Variants in SLC26A4 observed in about 807,000 individuals in gnomAD.
SLC26A4 encodes the protein solute carrier family 26 member 4.
In SLC26A4, 93 loss-of-function variants were observed where a neutral mutation model predicts 90.4. The observed-to-expected ratio is 1.03, with a 90% CI of 0.87 to 1.22. The LOEUF (loss-of-function observed/expected upper bound fraction) is 1.22. Among genes scored for constraint, SLC26A4 ranks in the 50% most tolerant of loss-of-function variants. The probability of loss-of-function intolerance (pLI) is 0.00; values close to 1 mark genes in which losing one functional copy is unlikely to be tolerated. For synonymous variants in SLC26A4, 393 were observed against 354.6 expected (o/e 1.11, Z -1.22); for missense variants, 1,127 against 946.2 (o/e 1.19, Z -2.51).
At chr7:107,675,208 G>T (rs1790989219) in intron 6 of SLC26A4, 99 bp downstream of exon 6, 3 of 1,124,948 alleles carry the variant, frequency 2.7e-6, no homozygotes, top group South Asian at 1.2e-5. Context: ...GCTCACACCT[G>T]TAATCCCAGC....
chr7:107,708,644 A>G (rs1422090944), intron 18 of SLC26A4, among the ~76,000 whole-genome samples: 1 of 152,170 alleles, frequency 6.6e-6, no homozygotes, highest in African/African-American at 2.4e-5. Flanking sequence ...ACTTCAGGCC[A>G]GGAGTTTGAG....
intron 4 of SLC26A4, among the ~76,000 whole-genome samples, chr7:107,673,919 T>C (rs1488623722): frequency 6.6e-6 from 1 of 152,012 alleles, no homozygotes; most frequent in Non-Finnish European, 1.5e-5. Context: ...TTGGTAGAGA[T>C]GGGGTTTTAC....
chr7:107,679,457 A>G (rs1303156991), intron 6 of SLC26A4, among the ~76,000 whole-genome samples: 1 of 152,218 alleles, frequency 6.6e-6, no homozygotes, highest in Non-Finnish European at 1.5e-5. Flanking sequence ...ATAAACAAAA[A>G]TAAATTCAGT....
At chr7:107,687,577 C>G (rs1362891183) in intron 8 of SLC26A4, among the ~76,000 whole-genome samples, 1 of 152,106 alleles carries the variant, frequency 6.6e-6, no homozygotes, top group African/African-American at 2.4e-5. Flanking sequence ...AAATAACATG[C>G]CTAAAGTCAT....
chr7:107,666,622 A>G lies in SLC26A4; in HGVS notation c.304+3187A>G, dbSNP rs190732931. 3.2e-4 allele frequency among the ~76,000 whole-genome samples: 49 copies of G among 152,292 alleles called. 1 individual carries two copies. The highest frequency in any genetic ancestry group is 3.4e-3 in the Middle Eastern group (1 of 294). ...AGAATGAGAAGGAGACAGCCATGTG[A>G]TAAGCAGAAAAAAAGAGTGTACCAG... On this transcript the variant is annotated intron_variant, in intron 3 of 20. Coordinates refer to ENST00000644269, the MANE Select transcript of SLC26A4 (RefSeq NM_000441.2).
chr7:107,670,945 A>G (rs1790849224), intron 3 of SLC26A4, among the ~76,000 whole-genome samples: 1 of 152,158 alleles, frequency 6.6e-6, no homozygotes, highest in African/African-American at 2.4e-5. Flanking sequence ...TGCCTAGTGG[A>G]GGAGTTGGTC....
At chr7:107,712,696 T>C in intron 20 of SLC26A4, 74 bp downstream of exon 20, 1 of 834,764 alleles carries the variant, frequency 1.2e-6, no homozygotes, top group South Asian at 1.4e-5. Context: ...ATAGTGAATA[T>C]ATCTGATTAA....
chr7:107,690,822 G>A (rs1791546227), intron 10 of SLC26A4, among the ~76,000 whole-genome samples: 1 of 152,032 alleles, frequency 6.6e-6, no homozygotes. Context: ...TGCAGTTGTT[G>A]CCTTTACAAG....
chr7:107,704,776 T>G (rs1258963944), intron 18 of SLC26A4, among the ~76,000 whole-genome samples: 1 of 152,210 alleles, frequency 6.6e-6, no homozygotes, highest in East Asian at 1.9e-4. Context: ...GAAGCTTTAT[T>G]ATTATGCCAA....
chr7:107,661,956 C>G lies in SLC26A4; in HGVS notation c.164+151C>G, dbSNP rs1386501434. ...CTCCCAGAGGCCCGACTTTCGGTCT[C>G]CGGTCCTCCACGCCGCCCTTCTGGT... On this transcript the variant is annotated intron_variant, in intron 2 of 20. Coordinates refer to ENST00000644269, the MANE Select transcript of SLC26A4 (RefSeq NM_000441.2). This position sits in a 1 kb window ranked among gnomAD's most constrained non-coding sequence, Gnocchi z 5.1. 3 of 821,688 alleles carry G rather than the reference C, an allele frequency of 3.7e-6. No individual in the cohort carries two copies. The highest frequency in any genetic ancestry group is 5.6e-6 in the Non-Finnish European group (3 of 540,068). 50.9% of individuals were successfully genotyped at this position (821,688 alleles called of 1,614,324 possible).
In SLC26A4 at chr7:107,699,509, C is replaced by T. The variant is rs1350606833; in HGVS notation, c.1615-574C>T. On this transcript the variant is annotated intron_variant, in intron 14 of 20. Transcript: ENST00000644269. ...AGGCAAATCATGGCACTGTTCTAAGCCTCAGTTTCTTTTCTGGAAATCAGA... is the reference window on the plus strand; with the variant it reads ...AGGCAAATCATGGCACTGTTCTAAGTCTCAGTTTCTTTTCTGGAAATCAGA... Among the ~76,000 whole-genome samples the T allele has an allele frequency of 2.6e-5, 4 of 152,130 alleles. No homozygotes were observed. The East Asian group carries it at 7.7e-4, about 29-fold the overall frequency.
At position 107,701,197 on chromosome 7, in the gene SLC26A4, G is replaced by A; in HGVS notation, c.1803+1G>A. On this transcript the variant is annotated splice_donor_variant, in intron 16 of 20. Transcript: ENST00000644269. LOFTEE classifies it high-confidence loss of function. ...AAGTGGACAATTAAGAGCAACAAAG[G>A]TGAGATGACATCTTTCTTTTCCCCC... 1 of 1,559,606 alleles carries A rather than the reference G, an allele frequency of 6.4e-7. No homozygotes were observed. Among genetic ancestry groups the A allele is most frequent in the Non-Finnish European group, 8.8e-7 (1 of 1,130,550 alleles).
At chr7:107,708,505 T>C (rs117364301) in intron 18 of SLC26A4, among the ~76,000 whole-genome samples, 1,777 of 152,266 alleles carry the variant, frequency 0.012, 11 homozygotes, top group Non-Finnish European at 0.018. Flanking sequence ...CATAAGTCCA[T>C]ATTTAGAAAC....
intron 6 of SLC26A4, 37 bp downstream of exon 6, chr7:107,675,146 T>C: frequency 6.3e-7 from 1 of 1,592,962 alleles, no homozygotes. Flanking sequence ...TGGGTCACTG[T>C]TCATTCCAGA....
At chr7:107,688,996 G>A in intron 8 of SLC26A4, 57 bp from the exon 9 acceptor site, 1 of 1,587,118 alleles carries the variant, frequency 6.3e-7, no homozygotes, top group Non-Finnish European at 8.6e-7. Flanking sequence ...TTGATGAGAT[G>A]GGGAAAAAGG....
intron 6 of SLC26A4, among the ~76,000 whole-genome samples, chr7:107,680,178 A>ATATAATATAATCT (rs1791177699): frequency 1.5e-4 from 19 of 123,120 alleles, no homozygotes; most frequent in Non-Finnish European, 3.0e-4. Flanking sequence ...TTATCTTATT[A>ATATAATATAATCT]TATAATATAA....
At chr7:107,677,507 G>A (rs1791058599) in intron 6 of SLC26A4, among the ~76,000 whole-genome samples, 1 of 152,032 alleles carries the variant, frequency 6.6e-6, no homozygotes, top group Non-Finnish European at 1.5e-5. Context: ...TCGGGACCCA[G>A]CCTATTAGGA....
At chr7:107,715,053 C>T (rs894728151) in intron 20 of SLC26A4, among the ~76,000 whole-genome samples, 2 of 115,016 alleles carry the variant, frequency 1.7e-5, no homozygotes, top group African/African-American at 2.8e-5. Flanking sequence ...GGTAACCCCC[C>T]GACCATCTCT....
rs141345837 is a variant in SLC26A4, at chr7:107,668,637, G to C, written c.305-3501G>C. 2.8e-4 allele frequency among the ~76,000 whole-genome samples: 42 copies of C among 152,266 alleles called. No individual in the cohort carries two copies. In the East Asian group the frequency reaches 6.6e-3, roughly 24 times the overall value. On this transcript the variant is annotated intron_variant, in intron 3 of 20. Transcript: ENST00000644269. ...AATTCCCATCAGACAGCAAAAGATCGATGCAACCCTTGTAGTGCTATTTTT... is the reference window on the plus strand; with the variant it reads ...AATTCCCATCAGACAGCAAAAGATCCATGCAACCCTTGTAGTGCTATTTTT...
Sources: allele counts gnomAD v4.1 joint callset (sites outside exome capture counted in the v4.1 genomes callset), GRCh38; gene constraint gnomAD v4.1.1; non-coding constraint Gnocchi (gnomAD v3.1); transcripts MANE v1.5; gene names NCBI Gene and HGNC (gene_info 2026-07-23, HGNC 2026-07-21).